ALCAM: variants seen among roughly 807,000 people sequenced by gnomAD.
The protein encoded by ALCAM is activated leukocyte cell adhesion molecule.
Under a neutral mutation model 70.9 loss-of-function variants are expected in ALCAM, and 30 were observed. The ratio of observed to expected loss-of-function variants is 0.42; its 90% confidence interval spans 0.32 to 0.57. The LOEUF is 0.57. ALCAM is among the 20% of genes least tolerant of loss of function. The pLI is 0.11. For synonymous variants in ALCAM, 249 were observed against 242.5 expected (o/e 1.03, Z -0.25); for missense variants, 591 against 695.1 (o/e 0.85, Z 1.68).
Position 105,456,002 on chromosome 3 carries a change from C to CT in ALCAM, c.74-64064dup, listed in dbSNP as rs536307072. On this transcript the variant is annotated intron_variant, in intron 1 of 15. Transcript: ENST00000306107. ...GCTGAAGCATGAGAATCGCTCGAGC[C>CT]TGGGAGGCGAAGGTTGCAGTGAGCC... Among the ~76,000 whole-genome samples the CT allele has an allele frequency of 1.5e-4, 23 of 152,292 alleles. No homozygotes were observed. The South Asian group carries it at 4.4e-3, about 29-fold the overall frequency.
intron 15 of ALCAM, among the ~76,000 whole-genome samples, chr3:105,572,791 C>T (rs963256797): frequency 4.6e-5 from 7 of 152,052 alleles, no homozygotes; most frequent in African/African-American, 1.7e-4. Context: ...AAAGTGTTTT[C>T]GGAAGAATGG....
intron 14 of ALCAM, among the ~76,000 whole-genome samples, chr3:105,566,118 C>T (rs558628894): frequency 1.3e-5 from 2 of 152,252 alleles, no homozygotes; most frequent in African/African-American, 4.8e-5. Flanking sequence ...CTTAAAAATA[C>T]ATGTTTATGG....
At chr3:105,494,137 G>T (rs1320648926) in intron 1 of ALCAM, among the ~76,000 whole-genome samples, 2 of 152,146 alleles carry the variant, frequency 1.3e-5, no homozygotes, top group Non-Finnish European at 2.9e-5. Flanking sequence ...ATGCTGAAAA[G>T]AAGGGTCAAT....
chr3:105,472,975 A>AT (rs1023332295), intron 1 of ALCAM, among the ~76,000 whole-genome samples: 23 of 151,572 alleles, frequency 1.5e-4, no homozygotes, highest in Admixed American at 1.3e-3. Flanking sequence ...GCCCATAGTA[A>AT]TTTTTTAATA....
intron 14 of ALCAM, among the ~76,000 whole-genome samples, chr3:105,564,355 T>C (rs6807481): frequency 0.022 from 3,355 of 152,306 alleles, 62 homozygotes; most frequent in Non-Finnish European, 0.035. Flanking sequence ...CAACACACTG[T>C]CATTATTTTA....
intron 1 of ALCAM, among the ~76,000 whole-genome samples, chr3:105,504,057 AACTTAT>A (rs1159624998): frequency 6.6e-6 from 1 of 152,204 alleles, no homozygotes. Context: ...TTTTTAAAGC[AACTTAT>A]ACTTATTAAT....
chr3:105,371,081 A>G (rs1935217115), intron 1 of ALCAM, among the ~76,000 whole-genome samples: 1 of 152,142 alleles, frequency 6.6e-6, no homozygotes, highest in Non-Finnish European at 1.5e-5. Context: ...CCAGATTCCA[A>G]ACCTTTTCTG....
At chr3:105,411,107 A>G (rs1363599557) in intron 1 of ALCAM, among the ~76,000 whole-genome samples, 2 of 152,088 alleles carry the variant, frequency 1.3e-5, no homozygotes, top group African/African-American at 2.4e-5. Flanking sequence ...CAGCTCTTAC[A>G]ACATGACAGA....
chr3:105,554,355 G>C (rs1050713680), intron 14 of ALCAM, among the ~76,000 whole-genome samples: 1 of 151,880 alleles, frequency 6.6e-6, no homozygotes, highest in Non-Finnish European at 1.5e-5. Context: ...AAGTGGTCAA[G>C]TAAGAAGTTC....
At chr3:105,533,560 CCT>C in intron 4 of ALCAM, 41 bp from the exon 5 acceptor site, 1 of 1,558,356 alleles carries the variant, frequency 6.4e-7, no homozygotes, top group Non-Finnish European at 8.8e-7. Flanking sequence ...ATTGACAGCC[CCT>C]GATTGAACCA....
chr3:105,431,397 G>A (rs918807178), intron 1 of ALCAM, among the ~76,000 whole-genome samples: 1 of 152,114 alleles, frequency 6.6e-6, no homozygotes, highest in African/African-American at 2.4e-5. Context: ...CATAAGTGGA[G>A]CAACTCAGCT....
chr3:105,475,655 A>G (rs1195243745), intron 1 of ALCAM, among the ~76,000 whole-genome samples: 1 of 152,020 alleles, frequency 6.6e-6, no homozygotes, highest in Non-Finnish European at 1.5e-5. Context: ...TCAGCAAAAC[A>G]TTTGATTATT....
chr3:105,390,948 G>T (rs1305748913), intron 1 of ALCAM, among the ~76,000 whole-genome samples: 2 of 151,932 alleles, frequency 1.3e-5, no homozygotes, highest in Admixed American at 6.6e-5. Flanking sequence ...TGTTCCATTG[G>T]TCTATGTATC....
At chr3:105,368,593 C>T (rs1029235933) in intron 1 of ALCAM, among the ~76,000 whole-genome samples, 6 of 151,984 alleles carry the variant, frequency 3.9e-5, no homozygotes, top group African/African-American at 1.4e-4. Flanking sequence ...ATCTCACTTC[C>T]TTTTATCCGT....
intron 2 of ALCAM, among the ~76,000 whole-genome samples, chr3:105,523,174 CA>C (rs1939598439): frequency 7.0e-6 from 1 of 143,124 alleles, no homozygotes; most frequent in African/African-American, 2.6e-5. Context: ...AAAGAAAGCC[CA>C]AAGAAAACAC....
chr3:105,463,409 A>G (rs1279455169), intron 1 of ALCAM, among the ~76,000 whole-genome samples: 1 of 151,506 alleles, frequency 6.6e-6, no homozygotes, highest in East Asian at 1.9e-4. Flanking sequence ...ACTTTAGTCT[A>G]TAGACTAAGA....
chr3:105,445,405 TC>T (rs1460927013), intron 1 of ALCAM, among the ~76,000 whole-genome samples: 2 of 152,128 alleles, frequency 1.3e-5, no homozygotes, highest in African/African-American at 4.8e-5. Flanking sequence ...TCCATACTAT[TC>T]AAAACAATCT....
intron 1 of ALCAM, among the ~76,000 whole-genome samples, chr3:105,476,402 C>T (rs1938111536): frequency 6.6e-6 from 1 of 152,032 alleles, no homozygotes; most frequent in Non-Finnish European, 1.5e-5. Context: ...TCACTCATGT[C>T]CAAACCTAAA....
In ALCAM at chr3:105,547,265, A is replaced by T; in HGVS notation, c.1221A>T (p.Ser407=). Reference sequence around the variant, plus strand: ...TTGAAGGACTAAAGAAAAGAGAGTCATTGACTCTCATTGTAGAAGGTAATA... The same window carrying T: ...TTGAAGGACTAAAGAAAAGAGAGTCTTTGACTCTCATTGTAGAAGGTAATA... ...QEVEGLKKRE[S]LTLIVEGKPQ... is the part of the protein sequence containing the mutation. The change falls in exon 10 of 16, where the codon TCA becomes TCT. Residue 407 remains serine (S), a synonymous_variant. Transcript: ENST00000306107. 6.3e-7 allele frequency: 1 copy of T among 1,596,026 alleles called. No homozygotes were observed. Among genetic ancestry groups the T allele is most frequent in the Non-Finnish European group, 8.5e-7 (1 of 1,172,890 alleles).
Sources: allele counts gnomAD v4.1 joint callset (sites outside exome capture counted in the v4.1 genomes callset), GRCh38; gene constraint gnomAD v4.1.1; transcripts MANE v1.5; gene names NCBI Gene and HGNC (gene_info 2026-07-23, HGNC 2026-07-21).